The following EPHB1 variants were observed in gnomAD, a reference collection of about 807,000 sequenced individuals.
EPHB1 encodes ephrin type-B receptor 1.
Under a neutral mutation model 94.4 loss-of-function variants are expected in EPHB1, and 30 were observed. That is an observed-to-expected ratio of 0.32 (90% CI 0.24 to 0.43). EPHB1 has a LOEUF of 0.43. Among genes scored for constraint, EPHB1 ranks in the 20% least tolerant of loss-of-function variants. The pLI is 1.00. For synonymous variants in EPHB1, 522 were observed against 489.1 expected (o/e 1.07, Z -0.89); for missense variants, 1,055 against 1,308.3 (o/e 0.81, Z 2.99).
intron 1 of EPHB1, among the ~76,000 whole-genome samples, chr3:134,873,143 T>C (rs907130061): frequency 3.3e-5 from 5 of 152,178 alleles, no homozygotes; most frequent in African/African-American, 1.2e-4. Context: ...TGACAGAGAT[T>C]GAGAGATCAT....
At chr3:134,998,657 T>C (rs1416417320) in intron 3 of EPHB1, among the ~76,000 whole-genome samples, 1 of 152,218 alleles carries the variant, frequency 6.6e-6, no homozygotes, top group Non-Finnish European at 1.5e-5. Context: ...GGGGATACCA[T>C]CCCCATTTTG....
At chr3:134,907,905 C>G (rs777169848) in intron 1 of EPHB1, among the ~76,000 whole-genome samples, 1 of 152,212 alleles carries the variant, frequency 6.6e-6, no homozygotes, top group South Asian at 2.1e-4. Context: ...GTGGCCTCCC[C>G]TCTCCGGGCC....
chr3:135,082,183 C>T (rs1004125441), intron 3 of EPHB1, among the ~76,000 whole-genome samples: 2 of 152,094 alleles, frequency 1.3e-5, no homozygotes, highest in Admixed American at 6.5e-5. Flanking sequence ...AGGGGCACCA[C>T]GGACAGACAT....
At chr3:135,240,587 C>T (rs1943758574) in intron 12 of EPHB1, among the ~76,000 whole-genome samples, 1 of 152,156 alleles carries the variant, frequency 6.6e-6, no homozygotes, top group Non-Finnish European at 1.5e-5. Context: ...AAGCTCAGGG[C>T]TATCTGCATG....
At chr3:135,129,386 C>A (rs1940336882) in intron 4 of EPHB1, among the ~76,000 whole-genome samples, 6 of 152,240 alleles carry the variant, frequency 3.9e-5, no homozygotes, top group African/African-American at 1.4e-4. Context: ...ACCAAAGCCT[C>A]TGCCACTCAG....
In EPHB1 at chr3:135,128,160, G is replaced by A. The variant is rs77709511; in HGVS notation, c.962-4554G>A. 1.3e-3 allele frequency among the ~76,000 whole-genome samples: 192 copies of A among 152,292 alleles called. No homozygotes were observed. In the East Asian group the frequency reaches 0.024, roughly 19 times the overall value. On this transcript the variant is annotated intron_variant, in intron 4 of 15. Coordinates refer to ENST00000398015, the MANE Select transcript of EPHB1 (RefSeq NM_004441.5). ...GAGCCCTGCCACTGCATTCACTGAG[G>A]GCTTTTGCGGAAGGAGATGGCAGAT... is the stretch of plus-strand genomic sequence containing the variant.
rs141926234 is a variant in EPHB1, at chr3:135,203,794, G to A, written c.2346+2105G>A. Among the ~76,000 whole-genome samples, 1,330 of 152,194 alleles carry A rather than the reference G, an allele frequency of 8.7e-3. 18 individuals are homozygous for A. The highest frequency in any genetic ancestry group is 0.03 in the African/African-American group (1,249 of 41,502). On this transcript the variant is annotated intron_variant, in intron 12 of 15. Coordinates refer to ENST00000398015, the MANE Select transcript of EPHB1 (RefSeq NM_004441.5). ...TATTATGCCTATTCCTCTGTGATCT[G>A]GGGTGTCTTTTGGGCATCATTGCCG...
chr3:135,162,291 G>C, intron 7 of EPHB1, 111 bp downstream of exon 7: 1 of 1,246,588 alleles, frequency 8.0e-7, no homozygotes, highest in Admixed American at 2.8e-5. Context: ...CTGGATTCCA[G>C]TGGAATTCCC....
intron 1 of EPHB1, among the ~76,000 whole-genome samples, chr3:134,835,690 T>C (rs935745965): frequency 3.3e-5 from 5 of 152,030 alleles, no homozygotes; most frequent in South Asian, 2.1e-4. Flanking sequence ...GAGTTGGCAG[T>C]GAGAGGAAAG....
chr3:135,078,768 C>A (rs1168263315), intron 3 of EPHB1, among the ~76,000 whole-genome samples: 5 of 152,214 alleles, frequency 3.3e-5, no homozygotes, highest in African/African-American at 1.2e-4. Context: ...AAAGGAATCT[C>A]AAAATTCCAA....
intron 6 of EPHB1, among the ~76,000 whole-genome samples, chr3:135,155,558 C>G (rs937424050): frequency 6.6e-6 from 1 of 152,072 alleles, no homozygotes; most frequent in South Asian, 2.1e-4. Flanking sequence ...AATCCTAGCA[C>G]GTTGGGAGGC....
At chr3:135,075,694 C>A (rs1389213667) in intron 3 of EPHB1, among the ~76,000 whole-genome samples, 1 of 152,198 alleles carries the variant, frequency 6.6e-6, no homozygotes, top group Non-Finnish European at 1.5e-5. Context: ...AAAGAAGCAG[C>A]TGGCAGGAGG....
At chr3:135,186,994 G>T (rs1046614357) in intron 10 of EPHB1, among the ~76,000 whole-genome samples, 7 of 152,170 alleles carry the variant, frequency 4.6e-5, no homozygotes, top group African/African-American at 1.7e-4. Flanking sequence ...GATGCTGTGG[G>T]TCTAGGTGGG....
At chr3:134,962,901 T>A (rs934990372) in intron 3 of EPHB1, among the ~76,000 whole-genome samples, 8 of 152,030 alleles carry the variant, frequency 5.3e-5, no homozygotes, top group South Asian at 2.1e-4. Flanking sequence ...GTCTACCCTC[T>A]ACTGGAGCAT....
At chr3:134,901,093 A>G (rs1403411482) in intron 1 of EPHB1, among the ~76,000 whole-genome samples, 1 of 152,114 alleles carries the variant, frequency 6.6e-6, no homozygotes, top group Non-Finnish European at 1.5e-5. Context: ...TTATAATTTT[A>G]TTGAGCATAG....
chr3:135,081,097 G>A (rs1451006087), intron 3 of EPHB1, among the ~76,000 whole-genome samples: 1 of 152,154 alleles, frequency 6.6e-6, no homozygotes, highest in Non-Finnish European at 1.5e-5. Flanking sequence ...ATCAGGTGAA[G>A]GAGGGGAGGG....
rs149019301 is a variant in EPHB1, at chr3:135,111,593, G to A, written c.961+4990G>A. On this transcript the variant is annotated intron_variant, in intron 4 of 15. Transcript: ENST00000398015. Reference sequence around the variant, plus strand: ...CTGATGTGAGTGTGAATGTACGAGCGCATCTGTGTTTATTTGAGTGGTTCA... The same window carrying A: ...CTGATGTGAGTGTGAATGTACGAGCACATCTGTGTTTATTTGAGTGGTTCA... Among the ~76,000 whole-genome samples the A allele has an allele frequency of 5.7e-3, 874 of 152,244 alleles. 6 individuals carry two copies. The highest frequency in any genetic ancestry group is 0.017 in the South Asian group (82 of 4,816).
In EPHB1 at chr3:135,218,105, G is replaced by A. The variant is rs566910528; in HGVS notation, c.2346+16416G>A. Reference sequence around the variant, plus strand: ...TTCAATCATTGAGCTTGGGTAGCAGGGCTGTCTCTTGGGTGGGTAGGAAAG... The same window carrying A: ...TTCAATCATTGAGCTTGGGTAGCAGAGCTGTCTCTTGGGTGGGTAGGAAAG... On this transcript the variant is annotated intron_variant, in intron 12 of 15. Coordinates refer to ENST00000398015, the MANE Select transcript of EPHB1 (RefSeq NM_004441.5). 9.2e-5 allele frequency among the ~76,000 whole-genome samples: 14 copies of A among 152,154 alleles called. No homozygotes were observed. In the East Asian group the frequency reaches 1.9e-3, roughly 21 times the overall value.
chr3:135,220,592 G>A (rs2107719961), intron 12 of EPHB1, among the ~76,000 whole-genome samples: 1 of 143,840 alleles, frequency 7.0e-6, no homozygotes, highest in Non-Finnish European at 1.5e-5. Context: ...TTTGTTGGAG[G>A]CCTTTTTTTT....
Sources: gnomAD v4.1 joint callset for allele counts (sites outside exome capture counted in the v4.1 genomes callset) on GRCh38, gnomAD v4.1.1 for gene constraint, MANE v1.5 for transcripts, NCBI Gene and HGNC (gene_info 2026-07-23, HGNC 2026-07-21) for gene names.